NELL1: variants seen among roughly 807,000 people sequenced by gnomAD.
NELL1 encodes the protein neural EGFL like 1, also known as protein kinase C-binding protein NELL1.
Under a neutral mutation model 107.4 loss-of-function variants are expected in NELL1, and 76 were observed. The observed-to-expected ratio is 0.71, with a 90% CI of 0.59 to 0.86. The LOEUF is 0.86. Among genes scored for constraint, NELL1 ranks in the 40% least tolerant of loss-of-function variants. The pLI, the probability that NELL1 is intolerant of heterozygous loss-of-function variation, is 0.00. For missense variants in NELL1, 1,024 were observed against 1,005.5 expected (o/e 1.02, Z -0.25); for synonymous variants, 353 against 341.2 (o/e 1.03, Z -0.38).
At chr11:21,421,762 A>G (rs1004088551) in intron 15 of NELL1, among the ~76,000 whole-genome samples, 8 of 152,186 alleles carry the variant, frequency 5.3e-5, no homozygotes, top group East Asian at 1.9e-4. Context: ...CCCAAGTTTG[A>G]TAAAAGACAT....
At position 21,307,641 on chromosome 11, in the gene NELL1, C is replaced by T. The variant is rs186399417; in HGVS notation, c.1550-63212C>T. Among the ~76,000 whole-genome samples, 168 of 152,016 alleles carry T rather than the reference C, an allele frequency of 1.1e-3. 1 individual carries two copies. Among genetic ancestry groups the T allele is most frequent in the African/African-American group, 3.6e-3 (149 of 41,484 alleles). Reference sequence around the variant, plus strand: ...CTGCCCAATGGAGTAGAGATCTAACCAGATCCTTAAAAATGGACCCAGGAC... The same window carrying T: ...CTGCCCAATGGAGTAGAGATCTAACTAGATCCTTAAAAATGGACCCAGGAC... On this transcript the variant is annotated intron_variant, in intron 14 of 19. Transcript: ENST00000357134.
At chr11:21,162,355 T>G (rs1167402695) in intron 13 of NELL1, among the ~76,000 whole-genome samples, 1 of 152,134 alleles carries the variant, frequency 6.6e-6, no homozygotes, top group Non-Finnish European at 1.5e-5. Flanking sequence ...TGCAGCTAAG[T>G]GGAGCAAGGA....
At chr11:21,450,852 A>G (rs1853558941) in intron 15 of NELL1, among the ~76,000 whole-genome samples, 1 of 152,134 alleles carries the variant, frequency 6.6e-6, no homozygotes, top group Admixed American at 6.6e-5. Flanking sequence ...GCTTACTGAA[A>G]TGCATACATT....
At chr11:20,886,575 T>A (rs1475703617) in intron 5 of NELL1, among the ~76,000 whole-genome samples, 5 of 152,124 alleles carry the variant, frequency 3.3e-5, no homozygotes, top group Admixed American at 6.6e-5. Flanking sequence ...CTTAGAGCCT[T>A]AGGTTCCTTC....
At position 21,056,315 on chromosome 11, in the gene NELL1, C is replaced by T. The variant is rs1236141941; in HGVS notation, c.1301-57274C>T. On this transcript the variant is annotated intron_variant, in intron 12 of 19. Coordinates refer to ENST00000357134, the MANE Select transcript of NELL1 (RefSeq NM_006157.5). ...ATTATGATATTGGCAAACAATGATA[C>T]CTTATTTGCTAACTTTTAGAAGTCA... Among the ~76,000 whole-genome samples the T allele has an allele frequency of 2.6e-5, 4 of 152,084 alleles. No homozygotes were observed. In the South Asian group the frequency reaches 8.3e-4, roughly 32 times the overall value.
chr11:21,236,607 T>G (rs1459493372), intron 14 of NELL1, among the ~76,000 whole-genome samples: 1 of 152,182 alleles, frequency 6.6e-6, no homozygotes, highest in Non-Finnish European at 1.5e-5. Flanking sequence ...CTATAGACAC[T>G]AAATATAGTT....
At chr11:21,125,330 T>C (rs756661550) in intron 13 of NELL1, among the ~76,000 whole-genome samples, 4 of 152,224 alleles carry the variant, frequency 2.6e-5, no homozygotes, top group Non-Finnish European at 4.4e-5. Flanking sequence ...CTGAAAGTTA[T>C]CATGTCAACA....
intron 13 of NELL1, among the ~76,000 whole-genome samples, chr11:21,167,364 T>C (rs11025953): frequency 0.44 from 66,152 of 151,518 alleles, 14,938 homozygotes; most frequent in East Asian, 0.62. Flanking sequence ...GGGTACTGTT[T>C]TTTTTGGCAA....
At chr11:21,248,941 G>A (rs1858567232) in intron 14 of NELL1, among the ~76,000 whole-genome samples, 1 of 152,084 alleles carries the variant, frequency 6.6e-6, no homozygotes, top group African/African-American at 2.4e-5. Flanking sequence ...TGACAGGGAA[G>A]AGGCTGTCTG....
At chr11:21,115,722 A>G (rs1855220501) in intron 13 of NELL1, among the ~76,000 whole-genome samples, 1 of 151,928 alleles carries the variant, frequency 6.6e-6, no homozygotes, top group Non-Finnish European at 1.5e-5. Flanking sequence ...CAGAAAGGAT[A>G]CCAGTGCATT....
In NELL1 at chr11:20,956,894, A is replaced by C. The variant is rs114754228; in HGVS notation, c.1172-3538A>C. On this transcript the variant is annotated intron_variant, in intron 11 of 19. Transcript: ENST00000357134. ...ATCATATTTGAACTTCTCAAATTTT[A>C]TGGTAGATGTTACCTATTCCTTCTA... 4.9e-3 allele frequency among the ~76,000 whole-genome samples: 748 copies of C among 151,770 alleles called. 13 individuals are homozygous for C. The highest frequency in any genetic ancestry group is 0.017 in the African/African-American group (704 of 41,476).
At chr11:20,813,006 CAAAAAAAAAAAAAAAAAAAAAA>C (rs869187456) in intron 3 of NELL1, among the ~76,000 whole-genome samples, 3 of 61,238 alleles carry the variant, frequency 4.9e-5, no homozygotes, top group East Asian at 1.2e-3. Context: ...GACTCCGTCT[CAAAAAAAAAAAAAAAAAAAAAA>C]AAAAAAAAAA....
Position 21,165,619 on chromosome 11 carries a change from C to T in NELL1, c.1426+51905C>T, listed in dbSNP as rs182854628. On this transcript the variant is annotated intron_variant, in intron 13 of 19. Coordinates refer to ENST00000357134, the MANE Select transcript of NELL1 (RefSeq NM_006157.5). ...TCGCTGTATTGAAGCGATATCTTCA[C>T]TCTCATGTTTATTGCTACACTATTC... Among the ~76,000 whole-genome samples the T allele has an allele frequency of 5.5e-4, 82 of 149,452 alleles. 2 individuals carry two copies. Among genetic ancestry groups the T allele is most frequent in the African/African-American group, 1.5e-4 (6 of 38,892 alleles).
At position 20,755,568 on chromosome 11, in the gene NELL1, T is replaced by TTTATTTATTTTTTTTA. The variant is rs1564895125; in HGVS notation, c.185-28110_185-28109insATTTATTTTTTTTATT. On this transcript the variant is annotated intron_variant, in intron 2 of 19. Coordinates refer to ENST00000357134, the MANE Select transcript of NELL1 (RefSeq NM_006157.5). ...TTTTTTTGTTTTTGTTTTTGTTTTT[T>TTTATTTATTTTTTTTA]TTTTTTTGAGACAGAATCTGGCTGT... Among the ~76,000 whole-genome samples, 8 of 120,964 alleles carry TTTATTTATTTTTTTTA rather than the reference T, an allele frequency of 6.6e-5. No individual in the cohort carries two copies. In the East Asian group the frequency reaches 2.0e-3, roughly 30 times the overall value. The allele number at this position is 120,964 out of a possible 152,430, so 79.4% of individuals were successfully genotyped here.
At chr11:21,321,123 T>C (rs1054451560) in intron 14 of NELL1, among the ~76,000 whole-genome samples, 2 of 152,216 alleles carry the variant, frequency 1.3e-5, no homozygotes, top group Admixed American at 6.5e-5. Flanking sequence ...CATGATATTT[T>C]CTGCAACTCT....
intron 12 of NELL1, among the ~76,000 whole-genome samples, chr11:21,067,306 G>A (rs1853899604): frequency 6.6e-6 from 1 of 152,134 alleles, no homozygotes; most frequent in African/African-American, 2.4e-5. Context: ...GAAGTCAAAT[G>A]TCCTAGATTC....
At chr11:20,692,125 G>A (rs1222655214) in intron 2 of NELL1, among the ~76,000 whole-genome samples, 1 of 151,856 alleles carries the variant, frequency 6.6e-6, no homozygotes, top group Non-Finnish European at 1.5e-5. Context: ...GGGATCGGTG[G>A]TGATATCCCC....
intron 2 of NELL1, among the ~76,000 whole-genome samples, chr11:20,715,690 G>T (rs1855233512): frequency 6.6e-6 from 1 of 152,238 alleles, no homozygotes; most frequent in African/African-American, 2.4e-5. Flanking sequence ...TGTCTTGTCA[G>T]TTGGTGAATT....
At chr11:20,712,989 C>T (rs993987481) in intron 2 of NELL1, among the ~76,000 whole-genome samples, 1 of 152,154 alleles carries the variant, frequency 6.6e-6, no homozygotes, top group African/African-American at 2.4e-5. Flanking sequence ...ACAGACAGGA[C>T]CTCTGGTTAG....
Sources: allele counts gnomAD v4.1 joint callset (sites outside exome capture counted in the v4.1 genomes callset), GRCh38; gene constraint gnomAD v4.1.1; transcripts MANE v1.5; gene names NCBI Gene and HGNC (gene_info 2026-07-23, HGNC 2026-07-21).